Variants in TOX observed in about 807,000 individuals in gnomAD.
TOX encodes the protein thymocyte selection associated high mobility group box, also known as thymocyte selection-associated high mobility group box protein TOX.
In TOX, 11 loss-of-function variants were observed where a neutral mutation model predicts 53.7. That is an observed-to-expected ratio of 0.20 (90% CI 0.13 to 0.34). The LOEUF (loss-of-function observed/expected upper bound fraction) is 0.34, where lower values mean the gene tolerates loss of function less well. Among genes scored for constraint, TOX ranks in the 10% least tolerant of loss-of-function variants. TOX has a pLI of 1.00. For missense variants in TOX, 570 were observed against 664.6 expected (o/e 0.86, Z 1.56); for synonymous variants, 225 against 245.3 (o/e 0.92, Z 0.77).
At chr8:58,953,878 T>C (rs924657763) in intron 2 of TOX, among the ~76,000 whole-genome samples, 3 of 152,166 alleles carry the variant, frequency 2.0e-5, no homozygotes, top group African/African-American at 7.2e-5. Context: ...TTTGAAAGTA[T>C]TCTAAAAATA....
chr8:58,882,427 T>A (rs1811399043), intron 3 of TOX, among the ~76,000 whole-genome samples: 1 of 152,220 alleles, frequency 6.6e-6, no homozygotes, highest in Non-Finnish European at 1.5e-5. Flanking sequence ...GTGGTCCAAA[T>A]TTGGTCATAT....
At chr8:59,094,843 A>G (rs925964454) in intron 1 of TOX, among the ~76,000 whole-genome samples, 10 of 152,182 alleles carry the variant, frequency 6.6e-5, no homozygotes, top group Admixed American at 6.5e-4. Context: ...AGAGAAACAC[A>G]TATTTTAGTC....
At chr8:58,914,592 C>A (rs1028418893) in intron 3 of TOX, among the ~76,000 whole-genome samples, 10 of 152,176 alleles carry the variant, frequency 6.6e-5, no homozygotes, top group African/African-American at 2.4e-4. Flanking sequence ...GAGGCCAGAA[C>A]TGTTGCTAAC....
intron 1 of TOX, among the ~76,000 whole-genome samples, chr8:59,038,233 A>G (rs1803509085): frequency 6.6e-6 from 1 of 152,258 alleles, no homozygotes; most frequent in Admixed American, 6.5e-5. Flanking sequence ...TTTTCTATAA[A>G]GAAAGAAACT....
intron 1 of TOX, among the ~76,000 whole-genome samples, chr8:59,088,697 T>C (rs901548697): frequency 2.0e-5 from 3 of 152,254 alleles, no homozygotes; most frequent in Non-Finnish European, 4.4e-5. Context: ...GGATGTCATT[T>C]TCAATTAACA....
At chr8:58,986,662 G>C (rs1813334362) in intron 1 of TOX, among the ~76,000 whole-genome samples, 1 of 152,172 alleles carries the variant, frequency 6.6e-6, no homozygotes, top group African/African-American at 2.4e-5. Flanking sequence ...AGTGTTTTAG[G>C]ATTAGCCAAG....
At chr8:59,073,191 A>G (rs537035308) in intron 1 of TOX, among the ~76,000 whole-genome samples, 2 of 152,282 alleles carry the variant, frequency 1.3e-5, no homozygotes, top group Admixed American at 6.5e-5. Flanking sequence ...CTAACACACA[A>G]TACTTATAAC....
upstream of TOX, chr8:59,119,147 G>GT: frequency 7.5e-6 from 3 of 398,504 alleles, no homozygotes; most frequent in Admixed American, 4.8e-5. Flanking sequence ...AAGAAGAAGA[G>GT]GAAAAAAAAA....
At chr8:58,858,527 A>C (rs1810952980) in intron 3 of TOX, among the ~76,000 whole-genome samples, 1 of 152,208 alleles carries the variant, frequency 6.6e-6, no homozygotes, top group African/African-American at 2.4e-5. Flanking sequence ...CTGAGGCCTT[A>C]TTTGCTAATG....
chr8:59,002,447 C>T (rs1177101896), intron 1 of TOX, among the ~76,000 whole-genome samples: 1 of 150,764 alleles, frequency 6.6e-6, no homozygotes, highest in African/African-American at 2.4e-5. Context: ...AAAAAATTAG[C>T]GGAGCGTGGT....
At chr8:58,840,457 T>C (rs368356346) in intron 4 of TOX, among the ~76,000 whole-genome samples, 2 of 152,152 alleles carry the variant, frequency 1.3e-5, no homozygotes, top group Admixed American at 1.3e-4. Flanking sequence ...TTAAAACACA[T>C]AGGCATATAT....
Position 58,815,636 on chromosome 8 carries a change from G to A in TOX, c.1094C>T (p.Ala365Val), listed in dbSNP as rs1810162995. The A allele has an allele frequency of 1.1e-5, 18 of 1,614,150 alleles. No homozygotes were observed. The highest frequency in any genetic ancestry group is 1.5e-5 in the Non-Finnish European group (18 of 1,180,018). The change falls in exon 7 of 9, where the codon GCC (alanine) becomes GTC (valine). Residue 365 changes from alanine (A) to valine (V), a missense_variant. Physicochemically the swap from Ala to Val is moderately conservative, Grantham distance 64. Coordinates refer to ENST00000361421, the MANE Select transcript of TOX (RefSeq NM_014729.3). ...KPSVFHGPSQ[A>V]HSALYLSSHY... Reference sequence around the variant, plus strand: ...GGAACTTAGGTACAGGGCCGAGTGGGCCTGGCTGGGCCCATGGAACACCGA... The same window carrying A: ...GGAACTTAGGTACAGGGCCGAGTGGACCTGGCTGGGCCCATGGAACACCGA...
At chr8:58,885,646 G>A (rs1009406516) in intron 3 of TOX, among the ~76,000 whole-genome samples, 1 of 152,112 alleles carries the variant, frequency 6.6e-6, no homozygotes, top group Admixed American at 6.6e-5. Context: ...CTTGGCTAAT[G>A]TTTCTCTGTC....
chr8:59,086,705 C>T (rs896745689), intron 1 of TOX, among the ~76,000 whole-genome samples: 1 of 152,144 alleles, frequency 6.6e-6, no homozygotes, highest in Non-Finnish European at 1.5e-5. Context: ...ATGAGCAAAT[C>T]TAAAAAATGA....
chr8:59,056,353 G>T (rs1298337542), intron 1 of TOX, among the ~76,000 whole-genome samples: 1 of 140,364 alleles, frequency 7.1e-6, no homozygotes, highest in Non-Finnish European at 1.5e-5. Context: ...GATCACTTGA[G>T]CCCAGGAGGA....
At position 59,073,541 on chromosome 8, in the gene TOX, A is replaced by G. The variant is rs147258201; in HGVS notation, c.102+45345T>C. On this transcript the variant is annotated intron_variant, in intron 1 of 8. Transcript: ENST00000361421. ...AATTTACTTTCAGGCCAGCACATAT[A>G]GTAGGAGACTTTTTTTTTAATCTTG... Among the ~76,000 whole-genome samples, 179 of 152,248 alleles carry G rather than the reference A, an allele frequency of 1.2e-3. 1 individual carries two copies. Among genetic ancestry groups the G allele is most frequent in the Middle Eastern group, 0.01 (3 of 294 alleles).
chr8:59,004,424 T>C (rs1813749733), intron 1 of TOX, among the ~76,000 whole-genome samples: 2 of 152,220 alleles, frequency 1.3e-5, no homozygotes, highest in Admixed American at 6.5e-5. Context: ...TCAATTTTTG[T>C]GGTTGGTTAG....
At chr8:58,956,624 T>C (rs981241828) in intron 2 of TOX, among the ~76,000 whole-genome samples, 1 of 152,138 alleles carries the variant, frequency 6.6e-6, no homozygotes, top group Admixed American at 6.5e-5. Flanking sequence ...TATTTTGAGA[T>C]ATAATCTTGC....
chr8:58,873,989 G>A (rs3115364), intron 3 of TOX, among the ~76,000 whole-genome samples: 1 of 99,538 alleles, frequency 1.0e-5, no homozygotes, highest in African/African-American at 4.5e-5. Context: ...TTTTTTTTGG[G>A]AAACCATGAT....
Sources: allele counts gnomAD v4.1 joint callset (sites outside exome capture counted in the v4.1 genomes callset), GRCh38; gene constraint gnomAD v4.1.1; transcripts MANE v1.5; gene names NCBI Gene and HGNC (gene_info 2026-07-23, HGNC 2026-07-21).